The following PDE6A variants were observed in gnomAD, a reference collection of about 807,000 sequenced individuals.
PDE6A encodes rod cGMP-specific 3',5'-cyclic phosphodiesterase subunit alpha.
In PDE6A, 84 loss-of-function variants were observed where a neutral mutation model predicts 106.3. That is an observed-to-expected ratio of 0.79 (90% CI 0.66 to 0.95). The LOEUF is 0.95. Among genes scored for constraint, PDE6A ranks in the 40% least tolerant of loss-of-function variants. The pLI, the probability that PDE6A is intolerant of heterozygous loss-of-function variation, is 0.00. For synonymous variants in PDE6A, 394 were observed against 386.6 expected (o/e 1.02, Z -0.23); for missense variants, 1,052 against 1,084.9 (o/e 0.97, Z 0.43).
At chr5:149,901,541 A>T (rs999963300) in intron 8 of PDE6A, among the ~76,000 whole-genome samples, 3 of 152,174 alleles carry the variant, frequency 2.0e-5, no homozygotes, top group African/African-American at 7.2e-5. Context: ...AAAAACAAAA[A>T]CAAAAACAAA....
intron 1 of PDE6A, among the ~76,000 whole-genome samples, chr5:149,938,162 C>T (rs1234960080): frequency 1.3e-5 from 2 of 152,162 alleles, no homozygotes; most frequent in Non-Finnish European, 2.9e-5. Flanking sequence ...AGAAACTTGT[C>T]CTATGAGTGG....
chr5:149,893,314 G>C (rs1224005916), intron 13 of PDE6A, among the ~76,000 whole-genome samples: 1 of 151,664 alleles, frequency 6.6e-6, no homozygotes, highest in African/African-American at 2.4e-5. Flanking sequence ...CCAGATTCCT[G>C]GAAGTATACA....
In PDE6A at chr5:149,883,504, T is replaced by C. The variant is rs1272784475; in HGVS notation, c.2060A>G (p.Gln687Arg). The C allele has an allele frequency of 6.2e-7, 1 of 1,613,632 alleles. No individual in the cohort carries two copies. Among genetic ancestry groups the C allele is most frequent in the Non-Finnish European group, 8.5e-7 (1 of 1,179,530 alleles). ...CTGTTCACTCTCATATGTCTTAGAC[T>C]GATCCACGATCTTTTGGAACATCGT... ...KRTMFQKIVDQSKTYESEQEW... is the reference protein window; with the variant it reads ...KRTMFQKIVDRSKTYESEQEW... The change falls in exon 17 of 22, where the codon CAG becomes CGG. Residue 687 changes from glutamine to arginine, a missense_variant. Physicochemically the swap from Gln to Arg is conservative, Grantham distance 43. Coordinates refer to ENST00000255266, the MANE Select transcript of PDE6A (RefSeq NM_000440.3).
intron 13 of PDE6A, among the ~76,000 whole-genome samples, chr5:149,893,319 T>C (rs907545904): frequency 6.6e-6 from 1 of 151,722 alleles, no homozygotes; most frequent in Non-Finnish European, 1.5e-5. Flanking sequence ...TTCCTGGAAG[T>C]ATACACCTGT....
At position 149,896,610 on chromosome 5, in the gene PDE6A, G is replaced by C. The variant is rs1370865884; in HGVS notation, c.1473+101C>G. ...TGGGTCTGCTGGAAGGATCAGAACA[G>C]AGTGATGGGGAACATGCTTTGCAAG... On this transcript the variant is annotated intron_variant, in intron 11 of 21. Coordinates refer to ENST00000255266, the MANE Select transcript of PDE6A (RefSeq NM_000440.3). 11 of 1,613,562 alleles carry C rather than the reference G, an allele frequency of 6.8e-6. No individual in the cohort carries two copies. The East Asian group carries it at 2.2e-4, about 33-fold the overall frequency.
chr5:149,944,492 A>G lies in PDE6A; in HGVS notation c.182T>C (p.Ile61Thr), dbSNP rs1754413194. 1 of 1,614,042 alleles carries G rather than the reference A, an allele frequency of 6.2e-7. No homozygotes were observed. The highest frequency in any genetic ancestry group is 8.5e-7 in the Non-Finnish European group (1 of 1,179,998). ...CTGAAAGTCCCGCAGGAGATCAAAG[A>G]TGATTTCGCTCTCCTCCATGCTGCT... ...SPSSMEESEI[I>T]FDLLRDFQEN... is the part of the protein sequence containing the mutation. Residue 61 changes from isoleucine (I) to threonine (T), a missense_variant, in exon 1 of 22, where the codon ATC (isoleucine) becomes ACC (threonine). This residue lies in a region of PDE6A where 913 missense variants were observed against 915.2 expected (regional missense o/e 1.00). Transcript: ENST00000255266.
intron 4 of PDE6A, among the ~76,000 whole-genome samples, chr5:149,927,075 A>G (rs866701065): frequency 1.3e-5 from 2 of 151,988 alleles, no homozygotes; most frequent in South Asian, 2.1e-4. Flanking sequence ...ATGCTCCAGG[A>G]AATGTGTGTT....
intron 17 of PDE6A, among the ~76,000 whole-genome samples, chr5:149,875,330 G>A (rs1056632079): frequency 6.6e-6 from 1 of 152,078 alleles, no homozygotes; most frequent in African/African-American, 2.4e-5. Flanking sequence ...ACTGAGAAAC[G>A]CTGCATTACA....
At chr5:149,883,853 G>A (rs943576370) in intron 16 of PDE6A, among the ~76,000 whole-genome samples, 4 of 152,190 alleles carry the variant, frequency 2.6e-5, no homozygotes, top group Admixed American at 6.5e-5. Context: ...CTGACACATA[G>A]TATATGCTAA....
chr5:149,869,316 C>A (rs188413277), intron 17 of PDE6A, among the ~76,000 whole-genome samples: 26 of 130,450 alleles, frequency 2.0e-4, no homozygotes, highest in African/African-American at 7.8e-4. Flanking sequence ...GGCGACAGAT[C>A]GAGACTCCAT....
intron 13 of PDE6A, among the ~76,000 whole-genome samples, chr5:149,889,968 T>G (rs1752482193): frequency 6.7e-6 from 1 of 149,742 alleles, no homozygotes; most frequent in South Asian, 2.1e-4. Flanking sequence ...TTTTTTTTTT[T>G]TTTTTGAGAC....
At chr5:149,923,801 T>C (rs1364165079) in intron 4 of PDE6A, among the ~76,000 whole-genome samples, 1 of 152,212 alleles carries the variant, frequency 6.6e-6, no homozygotes, top group African/African-American at 2.4e-5. Flanking sequence ...TCCAGTGCCC[T>C]TTCTGTTCAT....
At chr5:149,921,431 T>C (rs1220697794) in intron 5 of PDE6A, among the ~76,000 whole-genome samples, 3 of 152,094 alleles carry the variant, frequency 2.0e-5, no homozygotes, top group African/African-American at 7.2e-5. Context: ...TTGCTGTTTT[T>C]TTTTTACTTT....
At chr5:149,879,830 C>T (rs1011540070) in intron 17 of PDE6A, among the ~76,000 whole-genome samples, 17 of 151,808 alleles carry the variant, frequency 1.1e-4, no homozygotes, top group East Asian at 5.8e-4. Context: ...ATGCTTTTTT[C>T]GTGCTCTCTT....
At chr5:149,933,662 A>G (rs1754105805) in intron 3 of PDE6A, among the ~76,000 whole-genome samples, 1 of 152,256 alleles carries the variant, frequency 6.6e-6, no homozygotes, top group South Asian at 2.1e-4. Context: ...AGACTGAAGC[A>G]TAGAGAGATT....
chr5:149,908,020 C>T (rs568131042), intron 6 of PDE6A, among the ~76,000 whole-genome samples: 1 of 152,318 alleles, frequency 6.6e-6, no homozygotes, highest in East Asian at 1.9e-4. Context: ...TGAAATTATG[C>T]TAAATTGCAT....
At chr5:149,883,349 G>T in intron 17 of PDE6A, 80 bp downstream of exon 17, 1 of 924,986 alleles carries the variant, frequency 1.1e-6, no homozygotes, top group East Asian at 2.5e-5. Flanking sequence ...GGCTTGTTGA[G>T]GGCAGCAAGA....
intron 13 of PDE6A, among the ~76,000 whole-genome samples, chr5:149,888,473 T>C (rs1581170024): frequency 6.8e-6 from 1 of 147,630 alleles, no homozygotes; most frequent in Admixed American, 6.8e-5. Flanking sequence ...TAACACATAA[T>C]TAATATGTTA....
chr5:149,876,371 T>A (rs1227750989), intron 17 of PDE6A, among the ~76,000 whole-genome samples: 2 of 143,256 alleles, frequency 1.4e-5, no homozygotes, highest in African/African-American at 2.7e-5. Flanking sequence ...TTTTTTTTTT[T>A]AACCAGAGTC....
Sources: allele counts gnomAD v4.1 joint callset (sites outside exome capture counted in the v4.1 genomes callset), GRCh38; gene constraint gnomAD v4.1.1; regional missense constraint gnomAD v4.1.1; transcripts MANE v1.5; gene names NCBI Gene and HGNC (gene_info 2026-07-23, HGNC 2026-07-21).